SLC16A9: variants seen among roughly 807,000 people sequenced by gnomAD.
SLC16A9 encodes the protein solute carrier family 16 member 9, also known as monocarboxylate transporter 9.
In SLC16A9, 26 loss-of-function variants were observed where a neutral mutation model predicts 44.3. The observed-to-expected ratio is 0.59, with a 90% CI of 0.43 to 0.81. SLC16A9 has a LOEUF of 0.81. Ranked by LOEUF, SLC16A9 falls within the 40% of genes least tolerant of loss-of-function variation. The probability of loss-of-function intolerance (pLI) is 0.00; values close to 1 mark genes in which losing one functional copy is unlikely to be tolerated. For synonymous variants in SLC16A9, 230 were observed against 225.1 expected, an observed-to-expected ratio of 1.02 and a Z score of -0.19; for missense variants, 559 against 595.8, an observed-to-expected ratio of 0.94 and a Z score of 0.64.
chr10:59,669,793 C>T (rs900742475), intron 3 of SLC16A9, among the ~76,000 whole-genome samples: 14 of 149,446 alleles, frequency 9.4e-5, no homozygotes, highest in Non-Finnish European at 1.8e-4. Context: ...GACTCCGTCT[C>T]GAAAGAAAAA....
At position 59,684,235 on chromosome 10, in the gene SLC16A9, G is replaced by A. The variant is rs766975103; in HGVS notation, c.57C>T (p.Ser19=). 1.2e-6 allele frequency: 2 copies of A among 1,614,024 alleles called. No individual in the cohort carries two copies. The highest frequency in any genetic ancestry group is 1.1e-5 in the South Asian group (1 of 91,070). ...CGTAACACAAAAACTGAGTAAGGAA[G>A]GAGACAAACACAATCACCCAGCCCC... is the stretch of plus-strand genomic sequence containing the variant. ...GGWGWVIVFV[S]FLTQFLCYGS... is the part of the protein sequence containing the mutation. The change falls in exon 2 of 6, where the codon TCC becomes TCT. Residue 19 remains serine, a synonymous_variant. Coordinates refer to ENST00000395348, the MANE Select transcript of SLC16A9 (RefSeq NM_194298.3).
chr10:59,679,242 T>C (rs1010692294), intron 2 of SLC16A9, among the ~76,000 whole-genome samples: 6 of 152,142 alleles, frequency 3.9e-5, no homozygotes, highest in Non-Finnish European at 8.8e-5. Flanking sequence ...CCAAAGGGTG[T>C]GTTAGCTCAT....
intron 1 of SLC16A9, among the ~76,000 whole-genome samples, chr10:59,701,584 C>CA (rs1259003762): frequency 6.6e-6 from 1 of 152,154 alleles, no homozygotes; most frequent in Admixed American, 6.5e-5. Context: ...AAATTATAAA[C>CA]AAAAATGAAA....
chr10:59,672,011 G>A (rs1338754953), intron 3 of SLC16A9, among the ~76,000 whole-genome samples: 1 of 152,102 alleles, frequency 6.6e-6, no homozygotes, highest in Non-Finnish European at 1.5e-5. Flanking sequence ...AGGAATATTG[G>A]TAGTCAATAA....
rs1189901567 is a variant in SLC16A9, at chr10:59,672,893, C to T, written c.217G>A (p.Val73Ile). The T allele has an allele frequency of 1.9e-6, 3 of 1,612,910 alleles. No individual in the cohort carries two copies. Among genetic ancestry groups the T allele is most frequent in the Non-Finnish European group, 2.5e-6 (3 of 1,179,560 alleles). The change falls in exon 3 of 6, where the codon GTC (valine) becomes ATC (isoleucine). Residue 73 changes from valine to isoleucine, a missense_variant. Val to Ile is a conservative substitution (Grantham distance 29). Coordinates refer to ENST00000395348, the MANE Select transcript of SLC16A9 (RefSeq NM_194298.3). ...ACAGGTCTTGCTCCAAAAGATGAGA[C>T]ACAGAGACTGCAGACAGGACCTAAA... Reference protein sequence around the residue: ...LLASPVCSLCVSSFGARPVTI... With the variant: ...LLASPVCSLCISSFGARPVTI...
chr10:59,656,762 C>A (rs1316082122), intron 4 of SLC16A9, among the ~76,000 whole-genome samples: 2 of 152,094 alleles, frequency 1.3e-5, no homozygotes, highest in Non-Finnish European at 2.9e-5. Context: ...CAACCCATTA[C>A]CTAGGAATTA....
intron 1 of SLC16A9, 36 bp downstream of exon 1, chr10:59,709,443 C>T (rs1840716971): frequency 6.6e-6 from 1 of 152,614 alleles, no homozygotes. Flanking sequence ...CTGCTGCCCA[C>T]CTTTGGAACC....
At chr10:59,668,516 T>C (rs1259732941) in intron 3 of SLC16A9, among the ~76,000 whole-genome samples, 9 of 152,226 alleles carry the variant, frequency 5.9e-5, no homozygotes, top group Non-Finnish European at 1.0e-4. Flanking sequence ...ATTGCACTTA[T>C]TGTGCTGTGC....
chr10:59,675,970 C>G (rs896730161), intron 2 of SLC16A9, among the ~76,000 whole-genome samples: 14 of 152,220 alleles, frequency 9.2e-5, no homozygotes, highest in Non-Finnish European at 5.9e-5. Flanking sequence ...GGCTCTAAAA[C>G]TTGCCTTGGT....
At chr10:59,689,594 G>A (rs1025383504) in intron 1 of SLC16A9, among the ~76,000 whole-genome samples, 1 of 152,238 alleles carries the variant, frequency 6.6e-6, no homozygotes, top group African/African-American at 2.4e-5. Context: ...AGAGACCTCT[G>A]TCAGTCCTAC....
At chr10:59,672,014 G>C (rs1839761711) in intron 3 of SLC16A9, among the ~76,000 whole-genome samples, 1 of 152,168 alleles carries the variant, frequency 6.6e-6, no homozygotes. Context: ...AATATTGGTA[G>C]TCAATAAAAT....
intron 1 of SLC16A9, among the ~76,000 whole-genome samples, chr10:59,684,953 C>G (rs1031283148): frequency 6.6e-6 from 1 of 152,168 alleles, no homozygotes; most frequent in African/African-American, 2.4e-5. Context: ...AATCTATCCC[C>G]ATAAGGGCTG....
Position 59,664,237 on chromosome 10 carries a change from C to G in SLC16A9, c.426G>C (p.Leu142=). 3 of 1,608,732 alleles carry G rather than the reference C, an allele frequency of 1.9e-6. No homozygotes were observed. Among genetic ancestry groups the G allele is most frequent in the Non-Finnish European group, 2.5e-6 (3 of 1,176,534 alleles). ...FDDRRGLALG[L]ISTGSSVGLF... ...ATTTTGAAAATATACCTGTTGAAAT[C>G]AGGCCAAGCGCTAGGCCTCGGCGAT... Residue 142 remains leucine (L), a synonymous_variant, in exon 4 of 6, where the codon CTG becomes CTC. Transcript: ENST00000395348.
Position 59,666,222 on chromosome 10 carries a change from C to A in SLC16A9, c.341-1900G>T, listed in dbSNP as rs1206614029. On this transcript the variant is annotated intron_variant, in intron 3 of 5. Transcript: ENST00000395348. ...GCTGAGGCAAGAGAATCACTTGAAC[C>A]CTGGAGGTGGAGGTTGCAGCAAGCT... 2.6e-5 allele frequency among the ~76,000 whole-genome samples: 4 copies of A among 151,638 alleles called. No homozygotes were observed. In the East Asian group the frequency reaches 7.7e-4, roughly 29 times the overall value.
In SLC16A9 at chr10:59,652,892, G is replaced by A. The variant is rs777587404; in HGVS notation, c.1410C>T (p.Cys470=). The part of the protein sequence containing the change: ...YDIAFYFSGF[C]VLLGGFILLL... ...GCAGAATAAAACCTCCCAGCAGGAC[G>A]CAGAAGCCACTAAAATAAAATGCAA... Residue 470 remains cysteine (C), a synonymous_variant, in exon 6 of 6, where the codon TGC becomes TGT. Transcript: ENST00000395348. The A allele has an allele frequency of 1.9e-6, 3 of 1,613,604 alleles. No homozygotes were observed. The highest frequency in any genetic ancestry group is 1.3e-5 in the African/African-American group (1 of 74,866).
At position 59,709,807 on chromosome 10, in the gene SLC16A9, CT is replaced by C; in HGVS notation, c.-366del. The C allele has an allele frequency of 6.5e-6, 1 of 152,950 alleles. No homozygotes were observed. The highest frequency in any genetic ancestry group is 1.5e-5 in the Non-Finnish European group (1 of 68,548). 9.5% of individuals were successfully genotyped at this position (152,950 alleles called of 1,614,324 possible). On this transcript the variant is annotated 5_prime_UTR_variant, in exon 1 of 6. Coordinates refer to ENST00000395348, the MANE Select transcript of SLC16A9 (RefSeq NM_194298.3). ...TCCTCCCCGGGGTTTTCCCTGCTGT[CT>C]TTTTCTCCCTTGTCTCTCTTTGCGG...
chr10:59,654,728 GATAACAATA>G, intron 4 of SLC16A9, 139 bp from the exon 5 acceptor site: 1 of 686,540 alleles, frequency 1.5e-6, no homozygotes. Flanking sequence ...GAAGATAGAA[GATAACAATA>G]ATAACAATAA....
At chr10:59,697,010 GCC>G (rs1840403937) in intron 1 of SLC16A9, among the ~76,000 whole-genome samples, 1 of 90,962 alleles carries the variant, frequency 1.1e-5, no homozygotes, top group Non-Finnish European at 2.3e-5. Flanking sequence ...CCGGCCAGCC[GCC>G]CCGTCCGGGA....
chr10:59,651,757 T>C lies in SLC16A9; in HGVS notation c.*1015A>G, dbSNP rs1733840189. 1 of 112,690 alleles carries C rather than the reference T, an allele frequency of 8.9e-6. No individual in the cohort carries two copies. The highest frequency in any genetic ancestry group is 3.0e-5 in the African/African-American group (1 of 32,888). The allele number at this position is 112,690 out of a possible 1,614,324, so 7.0% of individuals were successfully genotyped here. On this transcript the variant is annotated 3_prime_UTR_variant, in exon 6 of 6. Coordinates refer to ENST00000395348, the MANE Select transcript of SLC16A9 (RefSeq NM_194298.3). ...CCATATCCCATGCAGACTTAGAGCATGCATAGCACACACACACACACACAC... is the reference window on the plus strand; with the variant it reads ...CCATATCCCATGCAGACTTAGAGCACGCATAGCACACACACACACACACAC...
Sources: allele counts gnomAD v4.1 joint callset (sites outside exome capture counted in the v4.1 genomes callset), GRCh38; gene constraint gnomAD v4.1.1; transcripts MANE v1.5; gene names NCBI Gene and HGNC (gene_info 2026-07-23, HGNC 2026-07-21).